The following FILIP1L variants were observed in gnomAD, a reference collection of about 807,000 sequenced individuals.
FILIP1L encodes filamin A-interacting protein 1-like.
A neutral mutation model predicts 96.6 loss-of-function variants in FILIP1L; 55 were observed. That is an observed-to-expected ratio of 0.57 (90% CI 0.46 to 0.71). The LOEUF is 0.71. FILIP1L is among the 30% of genes least tolerant of loss of function. The pLI is 0.00. For missense variants in FILIP1L, 1,304 were observed against 1,321.2 expected (o/e 0.99, Z 0.20); for synonymous variants, 467 against 473.9 (o/e 0.99, Z 0.19).
Position 99,924,587 on chromosome 3 carries a change from C to T in FILIP1L, c.427-179G>A, listed in dbSNP as rs534442483. 7.0e-4 allele frequency among the ~76,000 whole-genome samples: 107 copies of T among 152,256 alleles called. 1 individual carries two copies. The highest frequency in any genetic ancestry group is 2.6e-3 in the African/African-American group (106 of 41,548). On this transcript the variant is annotated intron_variant, in intron 3 of 5. Coordinates refer to ENST00000477258, the MANE Select transcript of FILIP1L (RefSeq NM_001387850.1). ...AGGCTGGAGTGCAATGGCGCGATCT[C>T]GACTCACTGCAACTTCCGCCTCCCG...
At chr3:99,845,993 A>G (rs1943346446) in intron 5 of FILIP1L, among the ~76,000 whole-genome samples, 1 of 152,252 alleles carries the variant, frequency 6.6e-6, no homozygotes, top group Non-Finnish European at 1.5e-5. Context: ...CATTATCATA[A>G]TAGAACACAA....
At chr3:99,964,357 T>C (rs1417153593) in intron 1 of FILIP1L, 8 of 149,066 alleles carry the variant, frequency 5.4e-5, no homozygotes, top group South Asian at 2.2e-4. Flanking sequence ...ACTTAGGGAT[T>C]TCTAAGTCTC....
intron 1 of FILIP1L, among the ~76,000 whole-genome samples, chr3:100,007,286 A>C (rs139307749): frequency 1.3e-5 from 2 of 152,312 alleles, no homozygotes; most frequent in African/African-American, 4.8e-5. Flanking sequence ...TTTGAGATGA[A>C]AATATCTTAT....
chr3:99,894,152 T>C (rs955121257), intron 4 of FILIP1L, among the ~76,000 whole-genome samples: 1 of 152,220 alleles, frequency 6.6e-6, no homozygotes, highest in Non-Finnish European at 1.5e-5. Context: ...CAATTACAGC[T>C]AGGAGTTGGT....
intron 4 of FILIP1L, among the ~76,000 whole-genome samples, chr3:99,891,828 A>G (rs1190727280): frequency 2.0e-5 from 3 of 152,210 alleles, no homozygotes; most frequent in Non-Finnish European, 4.4e-5. Flanking sequence ...AATTGTATAA[A>G]CATTGTGTCC....
At chr3:100,103,764 C>T (rs769852654) in intron 1 of FILIP1L, among the ~76,000 whole-genome samples, 2 of 152,158 alleles carry the variant, frequency 1.3e-5, no homozygotes, top group African/African-American at 2.4e-5. Flanking sequence ...ACTGGCCTTG[C>T]AATAAACATG....
intron 1 of FILIP1L, among the ~76,000 whole-genome samples, chr3:99,997,649 G>T (rs1709722161): frequency 6.6e-6 from 1 of 152,146 alleles, no homozygotes; most frequent in African/African-American, 2.4e-5. Context: ...AAAGTAAAAA[G>T]AATATTTCAG....
intron 4 of FILIP1L, among the ~76,000 whole-genome samples, chr3:99,902,840 T>C (rs894453502): frequency 2.6e-5 from 4 of 152,222 alleles, no homozygotes; most frequent in Non-Finnish European, 2.9e-5. Flanking sequence ...CATGTGAAGA[T>C]AGTCTGAAAT....
chr3:99,836,776 G>C (rs1400397186), intron 5 of FILIP1L, among the ~76,000 whole-genome samples: 1 of 152,180 alleles, frequency 6.6e-6, no homozygotes, highest in Non-Finnish European at 1.5e-5. Context: ...GGAGTGATTG[G>C]CTTGCTAGGG....
chr3:100,076,838 C>T (rs2065858093), intron 1 of FILIP1L, among the ~76,000 whole-genome samples: 1 of 152,198 alleles, frequency 6.6e-6, no homozygotes, highest in African/African-American at 2.4e-5. Flanking sequence ...ATTAGTCAGA[C>T]TTACTCAGTA....
At chr3:99,994,289 G>A (rs1320765328) in intron 1 of FILIP1L, among the ~76,000 whole-genome samples, 1 of 152,078 alleles carries the variant, frequency 6.6e-6, no homozygotes, top group African/African-American at 2.4e-5. Context: ...ATAATAGTAG[G>A]GGACTTTATT....
At chr3:99,953,502 A>G (rs959863665) in intron 1 of FILIP1L, among the ~76,000 whole-genome samples, 1 of 152,186 alleles carries the variant, frequency 6.6e-6, no homozygotes, top group East Asian at 1.9e-4. Context: ...GGAAGGTGGC[A>G]GTTGATCTGT....
chr3:100,010,201 T>C (rs1450907237), intron 1 of FILIP1L: 6 of 847,112 alleles, frequency 7.1e-6, no homozygotes, highest in African/African-American at 1.8e-5. Context: ...GCTATTTTTA[T>C]CAAATGATGT....
Position 100,075,865 on chromosome 3 carries a change from G to C in FILIP1L, c.-11+38188C>G, listed in dbSNP as rs140121132. On this transcript the variant is annotated intron_variant, in intron 1 of 5. Coordinates refer to ENST00000477258, the MANE Select transcript of FILIP1L (RefSeq NM_001387850.1). ...TATAAACTTATCTTAAACTCTACAA[G>C]CTTCTTGAGCTAATCCTTCTGGGGT... is the stretch of plus-strand genomic sequence containing the variant. 4.6e-3 allele frequency among the ~76,000 whole-genome samples: 707 copies of C among 152,252 alleles called. 2 individuals carry two copies. Among genetic ancestry groups the C allele is most frequent in the South Asian group, 7.0e-3 (34 of 4,824 alleles).
chr3:99,972,727 C>A (rs1366954496), intron 1 of FILIP1L, among the ~76,000 whole-genome samples: 1 of 152,206 alleles, frequency 6.6e-6, no homozygotes, highest in Non-Finnish European at 1.5e-5. Context: ...TTTACCCCTA[C>A]CCTAAGATAT....
rs1943089158 is a variant in FILIP1L, at chr3:99,840,529, A to G, written c.3381+7766T>C. ...GAGCTACCATGCCCAGCCAATTCAT[A>G]GAATCTTAGAGAAGGAAACATCTAG... is the stretch of plus-strand genomic sequence containing the variant. On this transcript the variant is annotated intron_variant, in intron 5 of 5. Transcript: ENST00000477258. 5.3e-5 allele frequency among the ~76,000 whole-genome samples: 8 copies of G among 152,302 alleles called. 1 individual carries two copies. The South Asian group carries it at 1.7e-3, about 32-fold the overall frequency.
chr3:100,020,812 G>C (rs1014805982), intron 1 of FILIP1L, among the ~76,000 whole-genome samples: 4 of 130,820 alleles, frequency 3.1e-5, no homozygotes, highest in Admixed American at 8.9e-5. Context: ...CTGTTGCCAG[G>C]TTTGGAGTAC....
rs1576511762 is a variant in FILIP1L, at chr3:99,850,863, A to G, written c.813T>C (p.His271=). 1 of 1,614,044 alleles carries G rather than the reference A, an allele frequency of 6.2e-7. No homozygotes were observed. ...QELTTNAKET[H]TKLALAEARV... ...TGGCTTCAGCAAGGGCTAGTTTGGT[A>G]TGTGTTTCCTTTGCATTTGTGGTCA... is the stretch of plus-strand genomic sequence containing the variant. Residue 271 remains histidine (H), a synonymous_variant, in exon 5 of 6, where the codon CAT becomes CAC. Coordinates refer to ENST00000477258, the MANE Select transcript of FILIP1L (RefSeq NM_001387850.1).
chr3:100,000,499 AGGGTAAAAAC>A (rs1384931684), intron 1 of FILIP1L, among the ~76,000 whole-genome samples: 1 of 152,210 alleles, frequency 6.6e-6, no homozygotes, highest in Non-Finnish European at 1.5e-5. Context: ...GCTGGAAGAA[AGGGTAAAAAC>A]GGGTGAAAAT....
Sources: allele counts gnomAD v4.1 joint callset (sites outside exome capture counted in the v4.1 genomes callset), GRCh38; gene constraint gnomAD v4.1.1; transcripts MANE v1.5; gene names NCBI Gene and HGNC (gene_info 2026-07-23, HGNC 2026-07-21).